TRIM33: variants seen among roughly 807,000 people sequenced by gnomAD.
TRIM33 encodes E3 ubiquitin-protein ligase TRIM33.
A neutral mutation model predicts 125.4 loss-of-function variants in TRIM33; 20 were observed. That is an observed-to-expected ratio of 0.16 (90% CI 0.11 to 0.23). TRIM33 has a LOEUF of 0.23. Among genes scored for constraint, TRIM33 ranks in the 10% least tolerant of loss-of-function variants. The pLI, the probability that TRIM33 is intolerant of heterozygous loss-of-function variation, is 1.00. For missense variants in TRIM33, 920 were observed against 1,411.4 expected (o/e 0.65, Z 5.58); for synonymous variants, 564 against 513.9 (o/e 1.10, Z -1.32).
At chr1:114,399,939 T>C (rs1396157165) in intron 17 of TRIM33, among the ~76,000 whole-genome samples, 1 of 149,544 alleles carries the variant, frequency 6.7e-6, no homozygotes, top group East Asian at 1.9e-4. Context: ...GAGTTTTTCT[T>C]TTTTTTTTAA....
chr1:114,430,743 A>G, intron 6 of TRIM33, 55 bp downstream of exon 6: 1 of 936,518 alleles, frequency 1.1e-6, no homozygotes, highest in Non-Finnish European at 1.8e-6. Flanking sequence ...AAACATTAAA[A>G]ACAGCTAAAG....
chr1:114,506,273 C>T (rs1652997498), intron 1 of TRIM33, among the ~76,000 whole-genome samples: 1 of 151,200 alleles, frequency 6.6e-6, no homozygotes. Flanking sequence ...ATATCAGCTA[C>T]TGGGGAGGCT....
At chr1:114,503,596 T>C (rs1652832048) in intron 1 of TRIM33, among the ~76,000 whole-genome samples, 1 of 152,216 alleles carries the variant, frequency 6.6e-6, no homozygotes, top group Admixed American at 6.5e-5. Flanking sequence ...CTTTGAAATG[T>C]TGACATTACA....
At chr1:114,484,778 T>C (rs1651569371) in intron 1 of TRIM33, among the ~76,000 whole-genome samples, 1 of 152,218 alleles carries the variant, frequency 6.6e-6, no homozygotes, top group Admixed American at 6.5e-5. Flanking sequence ...GGCAGGACAA[T>C]TGCTTGATCC....
chr1:114,402,006 C>T (rs1557841542), intron 16 of TRIM33, among the ~76,000 whole-genome samples: 1 of 152,182 alleles, frequency 6.6e-6, no homozygotes, highest in Non-Finnish European at 1.5e-5. Context: ...AGTTTGTATA[C>T]CCTAAACACG....
In TRIM33 at chr1:114,395,288, A is replaced by C. The variant is rs1391665442; in HGVS notation, c.*2360T>G. 2 of 205,284 alleles carry C rather than the reference A, an allele frequency of 9.7e-6. No individual in the cohort carries two copies. Among genetic ancestry groups the C allele is most frequent in the East Asian group, 1.5e-4 (2 of 13,378 alleles). The allele number at this position is 205,284 out of a possible 1,614,324, so 12.7% of individuals were successfully genotyped here. ...GAAGTGGAGGCTATTAAATGTTGAC[A>C]AAAAAGTGGCTTTTAAATTGCTTTA... On this transcript the variant is annotated 3_prime_UTR_variant, in exon 20 of 20. Transcript: ENST00000358465.
In TRIM33 at chr1:114,429,468, G is replaced by A. The variant is rs1006798349; in HGVS notation, c.1155+1330C>T. 4.6e-5 allele frequency among the ~76,000 whole-genome samples: 7 copies of A among 152,118 alleles called. No homozygotes were observed. In the South Asian group the frequency reaches 6.2e-4, roughly 14 times the overall value. Reference sequence around the variant, plus strand: ...AGCCTCCCAAAGTGCTGGGATTACAGGCGTGAGCCACCGCACCCGGCCAAG... The same window carrying A: ...AGCCTCCCAAAGTGCTGGGATTACAAGCGTGAGCCACCGCACCCGGCCAAG... On this transcript the variant is annotated intron_variant, in intron 6 of 19. Transcript: ENST00000358465.
Position 114,511,174 on chromosome 1 carries a change from G to A in TRIM33, c.-98C>T, listed in dbSNP as rs1348671260. ...CCCCAGCCGCAGCCGCAGCAAGAGCGGCAGCCGAGAGCTAGCGAGAGAGCG... is the reference window on the plus strand; with the variant it reads ...CCCCAGCCGCAGCCGCAGCAAGAGCAGCAGCCGAGAGCTAGCGAGAGAGCG... On this transcript the variant is annotated 5_prime_UTR_variant, in exon 1 of 20. Coordinates refer to ENST00000358465, the MANE Select transcript of TRIM33 (RefSeq NM_015906.4). 6.8e-6 allele frequency: 7 copies of A among 1,025,746 alleles called. No individual in the cohort carries two copies. The highest frequency in any genetic ancestry group is 3.4e-5 in the African/African-American group (2 of 58,092). The allele number at this position is 1,025,746 out of a possible 1,614,324, so 63.5% of individuals were successfully genotyped here. A position where few individuals can be genotyped will look rare whatever the true frequency, so the allele number is the denominator to read the frequency against.
intron 3 of TRIM33, 77 bp downstream of exon 3, chr1:114,463,335 T>A: frequency 1.3e-6 from 2 of 1,554,660 alleles, no homozygotes; most frequent in Non-Finnish European, 1.7e-6. Flanking sequence ...TTATAAAGAA[T>A]AAGTAGAAAA....
chr1:114,427,432 A>G (rs1365610273), intron 7 of TRIM33, 138 bp from the exon 8 acceptor site: 1 of 587,490 alleles, frequency 1.7e-6, no homozygotes, highest in Non-Finnish European at 3.1e-6. Context: ...CATTTAAATT[A>G]GCAATCAAAT....
At chr1:114,479,782 A>T (rs1651189850) in intron 1 of TRIM33, among the ~76,000 whole-genome samples, 3 of 97,842 alleles carry the variant, frequency 3.1e-5, no homozygotes. Flanking sequence ...TGTTAAAGAT[A>T]TATCATAATT....
rs570313697 is a variant in TRIM33 at position 114,408,875 on chromosome 1, G to A, written c.2195-135C>T. On this transcript the variant is annotated intron_variant, in intron 12 of 19. Coordinates refer to ENST00000358465, the MANE Select transcript of TRIM33 (RefSeq NM_015906.4). ...AAATCAGACCTAGTCACAAAGTCAG[G>A]GACGCATGTGTAACCATTAGCAGAC... The A allele has an allele frequency of 8.3e-6, 5 of 600,374 alleles. No individual in the cohort carries two copies. The East Asian group carries it at 1.5e-4, about 18-fold the overall frequency. The allele number at this position is 600,374 out of a possible 1,614,324, so 37.2% of individuals were successfully genotyped here.
intron 12 of TRIM33, among the ~76,000 whole-genome samples, chr1:114,409,150 T>C (rs1292842225): frequency 2.0e-5 from 3 of 152,212 alleles, no homozygotes; most frequent in Middle Eastern, 3.2e-3. Flanking sequence ...CATATTTACA[T>C]GTGAATTGTT....
intron 5 of TRIM33, 28 bp from the exon 6 acceptor site, chr1:114,430,940 T>C (rs1647913716): frequency 8.1e-7 from 1 of 1,234,502 alleles, no homozygotes; most frequent in Non-Finnish European, 1.2e-6. Context: ...ATCATTAGGT[T>C]ATCAACTTAT....
At chr1:114,442,443 A>G (rs982340363) in intron 4 of TRIM33, among the ~76,000 whole-genome samples, 1 of 152,178 alleles carries the variant, frequency 6.6e-6, no homozygotes, top group Non-Finnish European at 1.5e-5. Context: ...TAACCCCAGC[A>G]CTTTGGGAGG....
chr1:114,462,432 G>A (rs899491344), intron 4 of TRIM33, among the ~76,000 whole-genome samples: 1 of 152,168 alleles, frequency 6.6e-6, no homozygotes, highest in Admixed American at 6.5e-5. Flanking sequence ...CATAAAAACT[G>A]TTGTTTGAAA....
rs181401344 is a variant in TRIM33 at position 114,508,114 on chromosome 1, C to G, written c.526+2437G>C. 9.2e-5 allele frequency among the ~76,000 whole-genome samples: 14 copies of G among 151,630 alleles called. No individual in the cohort carries two copies. In the East Asian group the frequency reaches 2.7e-3, roughly 29 times the overall value. On this transcript the variant is annotated intron_variant, in intron 1 of 19. Transcript: ENST00000358465. ...CCTGAGCAACAGAGCGAGACTGTCT[C>G]AAAAAAAAATTTTTTTTAATCAAAA...
At chr1:114,430,083 T>C (rs1572044861) in intron 6 of TRIM33, among the ~76,000 whole-genome samples, 1 of 152,054 alleles carries the variant, frequency 6.6e-6, no homozygotes, top group Non-Finnish European at 1.5e-5. Context: ...ATGGAAATAT[T>C]TTTAAAATAA....
At chr1:114,426,643 T>C (rs1025658564) in intron 8 of TRIM33, among the ~76,000 whole-genome samples, 1 of 152,134 alleles carries the variant, frequency 6.6e-6, no homozygotes, top group East Asian at 1.9e-4. Flanking sequence ...TTTGTGTGCA[T>C]GTGTTTTAAC....
Sources: allele counts gnomAD v4.1 joint callset (sites outside exome capture counted in the v4.1 genomes callset), GRCh38; gene constraint gnomAD v4.1.1; transcripts MANE v1.5; gene names NCBI Gene and HGNC (gene_info 2026-07-23, HGNC 2026-07-21).